Variants in DNAAF4 observed in about 807,000 individuals in gnomAD.
DNAAF4 encodes the protein dynein assembly factor 4, axonemal.
Under a neutral mutation model 51.8 loss-of-function variants are expected in DNAAF4, and 43 were observed. The ratio of observed to expected loss-of-function variants is 0.83; its 90% confidence interval spans 0.65 to 1.07. The LOEUF is 1.07. Ranked by LOEUF, DNAAF4 falls within the 50% of genes least tolerant of loss-of-function variation. The pLI is 0.00. For missense variants in DNAAF4, 581 were observed against 493.0 expected (o/e 1.18, Z -1.69); for synonymous variants, 194 against 165.6 (o/e 1.17, Z -1.32).
intron 6 of DNAAF4, among the ~76,000 whole-genome samples, chr15:55,448,855 G>A (rs556423068): frequency 2.0e-5 from 3 of 151,266 alleles, no homozygotes; most frequent in Non-Finnish European, 4.4e-5. Flanking sequence ...AGGGGACAGA[G>A]CGAGACTCCA....
At chr15:55,494,704 G>A (rs1334234643) in intron 3 of DNAAF4, among the ~76,000 whole-genome samples, 5 of 152,124 alleles carry the variant, frequency 3.3e-5, no homozygotes, top group Non-Finnish European at 5.9e-5. Context: ...GAGCCACTGC[G>A]CTGAGCTTAA....
chr15:55,486,303 C>A (rs8026815), intron 4 of DNAAF4, among the ~76,000 whole-genome samples: 6,121 of 151,604 alleles, frequency 0.04, 414 homozygotes, highest in African/African-American at 0.14. Context: ...CAGCCATTCT[C>A]CTGCCTCAAC....
At chr15:55,452,369 A>G (rs1400812026) in intron 5 of DNAAF4, among the ~76,000 whole-genome samples, 1 of 151,908 alleles carries the variant, frequency 6.6e-6, no homozygotes, top group African/African-American at 2.4e-5. Context: ...AATACGATAT[A>G]GAACATGCAG....
At chr15:55,434,510 C>A (rs2057576283) in intron 8 of DNAAF4, among the ~76,000 whole-genome samples, 1 of 151,928 alleles carries the variant, frequency 6.6e-6, no homozygotes, top group African/African-American at 2.4e-5. Context: ...ACTAAGTTAC[C>A]CTGCAAATGA....
chr15:55,501,436 C>T (rs1301647744), intron 1 of DNAAF4, among the ~76,000 whole-genome samples: 1 of 144,818 alleles, frequency 6.9e-6, no homozygotes, highest in East Asian at 2.1e-4. Flanking sequence ...AGTGCAGTGG[C>T]GCTATCTCGG....
intron 1 of DNAAF4, among the ~76,000 whole-genome samples, chr15:55,505,040 T>A (rs553885385): frequency 2.2e-4 from 34 of 152,162 alleles, no homozygotes; most frequent in African/African-American, 7.2e-4. Context: ...AGGGCTAATA[T>A]CCAGAATCTA....
chr15:55,442,058 C>T (rs1012859048), intron 6 of DNAAF4, among the ~76,000 whole-genome samples: 2 of 152,184 alleles, frequency 1.3e-5, no homozygotes, highest in African/African-American at 4.8e-5. Flanking sequence ...AGTTTCAATA[C>T]ACATTTATTT....
intron 5 of DNAAF4, among the ~76,000 whole-genome samples, chr15:55,456,255 T>C (rs758575521): frequency 1.3e-5 from 2 of 151,836 alleles, no homozygotes; most frequent in African/African-American, 2.4e-5. Context: ...GCTAGTTTTG[T>C]ATTTTTAGTA....
rs945679816 is a variant in DNAAF4, at chr15:55,508,119, T to G, written c.-256+3A>C. ...AGTTTTACTGGGGAAAGGGGAAACT[T>G]ACAAAACCAAGAGAAAACACAGGTT... On this transcript the variant is annotated splice_donor_region_variant and intron_variant, in intron 1 of 9. Transcript: ENST00000321149. 3.3e-5 allele frequency: 5 copies of G among 152,166 alleles called. No individual in the cohort carries two copies. Among genetic ancestry groups the G allele is most frequent in the African/African-American group, 1.2e-4 (5 of 41,452 alleles). 9.4% of individuals were successfully genotyped at this position (152,166 alleles called of 1,614,324 possible). A position where few individuals can be genotyped will look rare whatever the true frequency, so the allele number is the denominator to read the frequency against.
chr15:55,428,776 T>G (rs1308223492), downstream of DNAAF4, among the ~76,000 whole-genome samples: 1 of 151,788 alleles, frequency 6.6e-6, no homozygotes, highest in African/African-American at 2.4e-5. Context: ...ATTACAGGCT[T>G]GAGCCACTGC....
intron 3 of DNAAF4, among the ~76,000 whole-genome samples, 191 bp from the exon 4 acceptor site, chr15:55,491,447 T>C (rs2058569696): frequency 1.4e-5 from 2 of 145,994 alleles, no homozygotes. Context: ...ACTGTAATAA[T>C]AATGAATGAC....
intron 1 of DNAAF4, among the ~76,000 whole-genome samples, chr15:55,502,006 G>A (rs147250321): frequency 0.012 from 1,811 of 151,582 alleles, 29 homozygotes; most frequent in African/African-American, 0.041. Context: ...TCATGCCACT[G>A]CACTCCAGCC....
At chr15:55,484,043 C>A (rs1458067063) in intron 4 of DNAAF4, among the ~76,000 whole-genome samples, 1 of 151,610 alleles carries the variant, frequency 6.6e-6, no homozygotes, top group African/African-American at 2.4e-5. Flanking sequence ...CAATGAGATA[C>A]CACTTCACAC....
intron 4 of DNAAF4, among the ~76,000 whole-genome samples, chr15:55,471,244 G>T (rs992153360): frequency 2.0e-5 from 3 of 152,130 alleles, no homozygotes; most frequent in African/African-American, 7.2e-5. Flanking sequence ...GTCATAGCTT[G>T]GTCTTTCTGG....
chr15:55,420,864 T>G (rs1566994106), intron 7 of DNAAF4, among the ~76,000 whole-genome samples: 1 of 152,086 alleles, frequency 6.6e-6, no homozygotes. Context: ...ATGGCAGTGG[T>G]GCACTGTTCG....
rs2057672298 is a variant in DNAAF4 at position 55,439,498 on chromosome 15, G to T, written c.867C>A (p.Asn289Lys). The part of the protein sequence containing the change: ...ELCDLKEEEK[N>K]PEWLKDKGNK... ...TTCCTTTATCCTTCAACCATTCTGG[G>T]TTCTTTTCTTCTTCTTTTAAATCGC... is the stretch of plus-strand genomic sequence containing the variant. Residue 289 changes from asparagine to lysine, a missense_variant, in exon 7 of 10, where the codon AAC (asparagine) becomes AAA (lysine). Asn to Lys is a moderately conservative substitution (Grantham distance 94). Coordinates refer to ENST00000321149, the MANE Select transcript of DNAAF4 (RefSeq NM_130810.4). 2 of 1,613,826 alleles carry T rather than the reference G, an allele frequency of 1.2e-6. No individual in the cohort carries two copies. The highest frequency in any genetic ancestry group is 1.7e-6 in the Non-Finnish European group (2 of 1,179,934).
chr15:55,481,537 CCAG>C (rs1480641013), intron 4 of DNAAF4, among the ~76,000 whole-genome samples: 1 of 152,340 alleles, frequency 6.6e-6, no homozygotes, highest in Admixed American at 6.5e-5. Context: ...CTAGCCAGTT[CCAG>C]GTGACGATGC....
rs71105887 is a variant in DNAAF4, at chr15:55,483,833, CTTTT to C, written c.405+7286_405+7289del. Among the ~76,000 whole-genome samples the C allele has an allele frequency of 1.1e-3, 89 of 82,412 alleles. No homozygotes were observed. The East Asian group carries it at 0.016, about 15-fold the overall frequency. 54.1% of individuals were successfully genotyped at this position (82,412 alleles called of 152,430 possible). Reference sequence around the variant, plus strand: ...GAGCCATCACACCCAGCCAATAAAGCTTTTTTTTTTTTTTTTTTTTTTTTTTTTT... The same window carrying C: ...GAGCCATCACACCCAGCCAATAAAGCTTTTTTTTTTTTTTTTTTTTTTTTT... On this transcript the variant is annotated intron_variant, in intron 4 of 9. Transcript: ENST00000321149.
intron 5 of DNAAF4, among the ~76,000 whole-genome samples, chr15:55,463,009 T>TA (rs901882965): frequency 1.3e-5 from 2 of 152,092 alleles, no homozygotes; most frequent in Admixed American, 6.6e-5. Flanking sequence ...CTGTCTCTAC[T>TA]AAAAAATACA....
Sources: allele counts gnomAD v4.1 joint callset (sites outside exome capture counted in the v4.1 genomes callset), GRCh38; gene constraint gnomAD v4.1.1; transcripts MANE v1.5; gene names NCBI Gene and HGNC (gene_info 2026-07-23, HGNC 2026-07-21).